The following TAOK1 variants were observed in gnomAD, a reference collection of about 807,000 sequenced individuals.
TAOK1 encodes the protein TAO kinase 1.
In TAOK1, 21 loss-of-function variants were observed where a neutral mutation model predicts 138.3. That is an observed-to-expected ratio of 0.15 (90% CI 0.11 to 0.22). The LOEUF (loss-of-function observed/expected upper bound fraction) is 0.22, where lower values mean the gene tolerates loss of function less well. Ranked by LOEUF, TAOK1 falls within the 10% of genes least tolerant of loss-of-function variation. TAOK1 has a pLI of 1.00. For missense variants in TAOK1, 651 were observed against 1,227.7 expected (o/e 0.53, Z 7.02); for synonymous variants, 361 against 398.4 (o/e 0.91, Z 1.12).
At chr17:29,479,115 C>CA (rs1324170575) in intron 6 of TAOK1, among the ~76,000 whole-genome samples, 2 of 147,158 alleles carry the variant, frequency 1.4e-5, no homozygotes, top group Non-Finnish European at 3.0e-5. Flanking sequence ...TACCACTGTA[C>CA]AGCCTGGGTG....
intron 8 of TAOK1, among the ~76,000 whole-genome samples, chr17:29,482,822 G>T (rs749341394): frequency 4.6e-5 from 7 of 151,848 alleles, no homozygotes; most frequent in Non-Finnish European, 8.8e-5. Context: ...CTGTAGCAGG[G>T]TCTTGCAATG....
intron 1 of TAOK1, among the ~76,000 whole-genome samples, chr17:29,449,745 G>T (rs1231191769): frequency 2.0e-5 from 3 of 152,162 alleles, no homozygotes; most frequent in Non-Finnish European, 2.9e-5. Context: ...GGAGGCTGAG[G>T]CAGGAGAATT....
intron 18 of TAOK1, among the ~76,000 whole-genome samples, chr17:29,532,389 C>T (rs1234181530): frequency 7.3e-5 from 10 of 137,716 alleles, no homozygotes; most frequent in Admixed American, 2.3e-4. Flanking sequence ...GGGTGTTTCT[C>T]GCAGAGGGGG....
chr17:29,444,236 GCTC>G (rs1431550977), intron 1 of TAOK1, among the ~76,000 whole-genome samples: 2 of 152,170 alleles, frequency 1.3e-5, no homozygotes, highest in Non-Finnish European at 2.9e-5. Flanking sequence ...TGCTGTGAAA[GCTC>G]CTTGCTGCTG....
chr17:29,532,015 C>A (rs1259563454), intron 18 of TAOK1, among the ~76,000 whole-genome samples: 1 of 151,984 alleles, frequency 6.6e-6, no homozygotes, highest in Admixed American at 6.5e-5. Flanking sequence ...CGCATGCCAC[C>A]AAGCCCAGCT....
At chr17:29,493,851 T>C (rs553431289) in intron 10 of TAOK1, among the ~76,000 whole-genome samples, 1 of 152,254 alleles carries the variant, frequency 6.6e-6, no homozygotes, top group Non-Finnish European at 1.5e-5. Context: ...GTTAAGTGAT[T>C]TGGGCACAAA....
chr17:29,403,470 T>C (rs1904908454), intron 1 of TAOK1, among the ~76,000 whole-genome samples: 1 of 152,162 alleles, frequency 6.6e-6, no homozygotes, highest in Admixed American at 6.6e-5. Context: ...TGATTGTACT[T>C]GATAAGGAAA....
At chr17:29,430,990 T>C (rs1288406475) in intron 1 of TAOK1, among the ~76,000 whole-genome samples, 3 of 152,124 alleles carry the variant, frequency 2.0e-5, no homozygotes, top group Non-Finnish European at 4.4e-5. Context: ...AAAGACTTAA[T>C]GGGAATTTTG....
At chr17:29,437,999 T>C (rs1415315542) in intron 1 of TAOK1, among the ~76,000 whole-genome samples, 2 of 152,186 alleles carry the variant, frequency 1.3e-5, no homozygotes, top group African/African-American at 2.4e-5. Context: ...CCCAAAGTGC[T>C]GGGATTACAG....
chr17:29,521,636 G>T (rs1439528272), intron 16 of TAOK1, among the ~76,000 whole-genome samples: 1 of 152,184 alleles, frequency 6.6e-6, no homozygotes, highest in Admixed American at 6.5e-5. Context: ...AGGCTGGAGT[G>T]CAGCGGCTTG....
At chr17:29,401,688 C>T (rs1260299550) in intron 1 of TAOK1, among the ~76,000 whole-genome samples, 1 of 151,690 alleles carries the variant, frequency 6.6e-6, no homozygotes, top group Admixed American at 6.6e-5. Context: ...CAGGGTTTTA[C>T]TCTGTTGGGA....
intron 1 of TAOK1, among the ~76,000 whole-genome samples, chr17:29,397,663 TG>T (rs1322122911): frequency 9.2e-6 from 1 of 108,520 alleles, no homozygotes; most frequent in Non-Finnish European, 1.8e-5. Flanking sequence ...TATTCATGTA[TG>T]ATACATGTAT....
At chr17:29,514,241 ATG>A (rs2031775114) in intron 15 of TAOK1, 1 of 152,174 alleles carries the variant, frequency 6.6e-6, no homozygotes, top group Non-Finnish European at 1.5e-5. Context: ...TTTTATTTTT[ATG>A]TGTTTGAATA....
At chr17:29,450,275 G>T (rs2030199420) in intron 1 of TAOK1, among the ~76,000 whole-genome samples, 1 of 152,136 alleles carries the variant, frequency 6.6e-6, no homozygotes, top group East Asian at 1.9e-4. Flanking sequence ...TTTTGTATTG[G>T]AAGATCTTGC....
At chr17:29,542,227 A>G (rs979971247) in intron 19 of TAOK1, among the ~76,000 whole-genome samples, 4 of 152,140 alleles carry the variant, frequency 2.6e-5, no homozygotes, top group African/African-American at 4.8e-5. Context: ...ACTAGAGACT[A>G]CAGAAGGTGG....
chr17:29,417,666 G>A (rs112424532), intron 1 of TAOK1, among the ~76,000 whole-genome samples: 3 of 152,268 alleles, frequency 2.0e-5, no homozygotes, highest in African/African-American at 7.2e-5. Flanking sequence ...GTGTCTACTT[G>A]AAAGCCTTGC....
At chr17:29,399,919 A>T (rs1904785886) in intron 1 of TAOK1, among the ~76,000 whole-genome samples, 1 of 151,750 alleles carries the variant, frequency 6.6e-6, no homozygotes, top group South Asian at 2.1e-4. Flanking sequence ...TTTAGTACAG[A>T]CGAGATCTCA....
intron 4 of TAOK1, among the ~76,000 whole-genome samples, chr17:29,476,049 G>A (rs146822918): frequency 1.3e-3 from 197 of 152,254 alleles, no homozygotes; most frequent in African/African-American, 4.6e-3. Flanking sequence ...TTCAAACATT[G>A]TGAAAACAAT....
intron 1 of TAOK1, among the ~76,000 whole-genome samples, chr17:29,397,920 T>G (rs1186148966): frequency 6.6e-6 from 1 of 152,078 alleles, no homozygotes; most frequent in African/African-American, 2.4e-5. Context: ...GGGGTCTTGC[T>G]GTGTCACCCA....
Sources: allele counts gnomAD v4.1 joint callset (sites outside exome capture counted in the v4.1 genomes callset), GRCh38; gene constraint gnomAD v4.1.1; transcripts MANE v1.5; gene names NCBI Gene and HGNC (gene_info 2026-07-23, HGNC 2026-07-21).